SMYD3: variants seen among roughly 807,000 people sequenced by gnomAD.
SMYD3 encodes SET and MYND domain containing 3.
SMYD3 carries 36 observed loss-of-function variants against 57.7 expected under a neutral mutation model. That is an observed-to-expected ratio of 0.62 (90% CI 0.48 to 0.82). The LOEUF is 0.82. SMYD3 is among the 40% of genes least tolerant of loss of function. The pLI is 0.00. For synonymous variants in SMYD3, 211 were observed against 195.0 expected (o/e 1.08, Z -0.68); for missense variants, 515 against 538.8 (o/e 0.96, Z 0.44).
rs145506757 is a variant in SMYD3, at chr1:245,832,175, C to T, written c.1076+26321G>A. 3.9e-3 allele frequency among the ~76,000 whole-genome samples: 595 copies of T among 152,344 alleles called. 3 individuals carry two copies. The highest frequency in any genetic ancestry group is 0.013 in the African/African-American group (546 of 41,578). On this transcript the variant is annotated intron_variant, in intron 10 of 11. Coordinates refer to ENST00000490107, the MANE Select transcript of SMYD3 (RefSeq NM_001167740.2). ...AATGCCTGGTCAAGAGGCTGGGTCT[C>T]ACCCTTCGGGGCTCGTTTATATAAT... is the stretch of plus-strand genomic sequence containing the variant.
intron 5 of SMYD3, among the ~76,000 whole-genome samples, chr1:246,170,949 T>A (rs2062319588): frequency 6.6e-6 from 1 of 152,254 alleles, no homozygotes; most frequent in Non-Finnish European, 1.5e-5. Context: ...TCATGTTATT[T>A]TTCAAACAAC....
chr1:246,129,135 T>C (rs937430470), intron 5 of SMYD3, among the ~76,000 whole-genome samples: 2 of 152,202 alleles, frequency 1.3e-5, no homozygotes, highest in Non-Finnish European at 1.5e-5. Flanking sequence ...TCAAAAAATA[T>C]GCAAGATGGA....
At chr1:245,804,608 G>A (rs2048049517) in intron 10 of SMYD3, among the ~76,000 whole-genome samples, 1 of 152,194 alleles carries the variant, frequency 6.6e-6, no homozygotes, top group African/African-American at 2.4e-5. Flanking sequence ...GTGGTAGTAA[G>A]AGTGGGGCCT....
At chr1:246,413,759 G>A (rs2067014361) in intron 1 of SMYD3, among the ~76,000 whole-genome samples, 1 of 152,062 alleles carries the variant, frequency 6.6e-6, no homozygotes, top group African/African-American at 2.4e-5. Flanking sequence ...GCAGATGCCA[G>A]GTGCCACACA....
At chr1:245,892,517 C>T (rs1354040555) in intron 8 of SMYD3, among the ~76,000 whole-genome samples, 3 of 152,168 alleles carry the variant, frequency 2.0e-5, no homozygotes, top group Admixed American at 1.3e-4. Context: ...CTCTTTCCAC[C>T]GTATCAAGCT....
At chr1:245,853,667 T>C (rs758837727) in intron 10 of SMYD3, among the ~76,000 whole-genome samples, 3 of 152,190 alleles carry the variant, frequency 2.0e-5, no homozygotes, top group Non-Finnish European at 4.4e-5. Flanking sequence ...GAAGGTACTG[T>C]TATGAGGAAA....
At chr1:246,314,086 C>A (rs927091363) in intron 5 of SMYD3, among the ~76,000 whole-genome samples, 1 of 152,196 alleles carries the variant, frequency 6.6e-6, no homozygotes, top group Non-Finnish European at 1.5e-5. Flanking sequence ...CACCCTCCTC[C>A]CACTCAAACT....
At chr1:246,401,616 G>A (rs765032149) in intron 1 of SMYD3, among the ~76,000 whole-genome samples, 12 of 151,894 alleles carry the variant, frequency 7.9e-5, no homozygotes, top group Non-Finnish European at 1.3e-4. Flanking sequence ...ACAGGCATGA[G>A]CCACCATGCC....
At chr1:246,009,128 A>G (rs1184757570) in intron 5 of SMYD3, among the ~76,000 whole-genome samples, 4 of 152,124 alleles carry the variant, frequency 2.6e-5, no homozygotes, top group African/African-American at 9.7e-5. Context: ...ACCAGCAAAA[A>G]TCGACAGGTG....
intron 1 of SMYD3, among the ~76,000 whole-genome samples, chr1:246,501,420 T>C (rs564337206): frequency 2.6e-5 from 4 of 152,338 alleles, no homozygotes; most frequent in African/African-American, 9.6e-5. Context: ...AATCTTTTCT[T>C]ACTCCCTACC....
chr1:246,427,529 A>AT (rs1558460127), intron 1 of SMYD3, among the ~76,000 whole-genome samples: 5 of 141,462 alleles, frequency 3.5e-5, no homozygotes, highest in South Asian at 2.1e-4. Context: ...CAAAAAAAAA[A>AT]AAAATAAAAA....
At chr1:246,135,881 C>T (rs78386552) in intron 5 of SMYD3, among the ~76,000 whole-genome samples, 4,944 of 152,210 alleles carry the variant, frequency 0.032, 277 homozygotes, top group African/African-American at 0.11. Context: ...AGTAAGTTTT[C>T]TGTCCTGTTT....
At chr1:246,059,707 C>A (rs923033919) in intron 5 of SMYD3, among the ~76,000 whole-genome samples, 4 of 152,086 alleles carry the variant, frequency 2.6e-5, no homozygotes, top group African/African-American at 9.7e-5. Context: ...AAGTAAGATA[C>A]GATTATTTTG....
At chr1:245,960,900 A>C (rs1192076972) in intron 5 of SMYD3, among the ~76,000 whole-genome samples, 1 of 152,212 alleles carries the variant, frequency 6.6e-6, no homozygotes, top group African/African-American at 2.4e-5. Flanking sequence ...TTGGAAGTTC[A>C]TAACTCCCTC....
At position 246,128,957 on chromosome 1, in the gene SMYD3, C is replaced by G. The variant is rs146977618; in HGVS notation, c.531+198244G>C. ...TAGCTGGAACTACAAGCACACACCA[C>G]CACACCCTGCTAATTTTTTTGTATT... On this transcript the variant is annotated intron_variant, in intron 5 of 11. Coordinates refer to ENST00000490107, the MANE Select transcript of SMYD3 (RefSeq NM_001167740.2). 4.1e-4 allele frequency among the ~76,000 whole-genome samples: 62 copies of G among 152,020 alleles called. No homozygotes were observed. In the East Asian group the frequency reaches 0.012, roughly 29 times the overall value.
chr1:246,071,059 A>C (rs2060433769), intron 5 of SMYD3, among the ~76,000 whole-genome samples: 1 of 152,246 alleles, frequency 6.6e-6, no homozygotes, highest in South Asian at 2.1e-4. Flanking sequence ...AGAAGATTAC[A>C]ATAGGATAAA....
chr1:246,107,837 A>C (rs1434252760), intron 5 of SMYD3, among the ~76,000 whole-genome samples: 1 of 152,218 alleles, frequency 6.6e-6, no homozygotes, highest in Non-Finnish European at 1.5e-5. Flanking sequence ...AAGACCCAAA[A>C]ACTTCCAAAT....
chr1:246,400,315 A>G (rs951213570), intron 1 of SMYD3, among the ~76,000 whole-genome samples: 2 of 152,274 alleles, frequency 1.3e-5, no homozygotes, highest in Non-Finnish European at 2.9e-5. Flanking sequence ...CTGAAACAGT[A>G]TATTAAGTGC....
chr1:246,132,176 A>T (rs1181464283), intron 5 of SMYD3, among the ~76,000 whole-genome samples: 1 of 152,174 alleles, frequency 6.6e-6, no homozygotes, highest in Non-Finnish European at 1.5e-5. Context: ...GAAGTAGTGT[A>T]TATATTAAAT....
Sources: allele counts gnomAD v4.1 joint callset (sites outside exome capture counted in the v4.1 genomes callset), GRCh38; gene constraint gnomAD v4.1.1; transcripts MANE v1.5; gene names NCBI Gene and HGNC (gene_info 2026-07-23, HGNC 2026-07-21).